Variants in DGKB observed in about 807,000 individuals in gnomAD.
DGKB encodes the protein 90 kDa diacylglycerol kinase.
DGKB carries 67 observed loss-of-function variants against 114.3 expected under a neutral mutation model. The ratio of observed to expected loss-of-function variants is 0.59; its 90% CI spans 0.48 to 0.72. The LOEUF is 0.72. Among genes scored for constraint, DGKB ranks in the 30% least tolerant of loss-of-function variants. The pLI, the probability that DGKB is intolerant of heterozygous loss-of-function variation, is 0.00. For missense variants in DGKB, 907 were observed against 975.2 expected (o/e 0.93, Z 0.93); for synonymous variants, 398 against 323.1 (o/e 1.23, Z -2.49).
intron 20 of DGKB, among the ~76,000 whole-genome samples, chr7:14,479,256 T>A (rs765832060): frequency 6.6e-5 from 10 of 152,060 alleles, no homozygotes; most frequent in African/African-American, 9.7e-5. Flanking sequence ...AAAACACTAA[T>A]CAAGGATTAA....
chr7:14,178,477 T>C (rs955042277), intron 23 of DGKB, among the ~76,000 whole-genome samples: 6 of 150,330 alleles, frequency 4.0e-5, no homozygotes, highest in Non-Finnish European at 8.8e-5. Flanking sequence ...CACATGTATA[T>C]AAGGACCATT....
intron 23 of DGKB, among the ~76,000 whole-genome samples, chr7:14,225,072 C>A (rs1485967710): frequency 2.0e-5 from 3 of 152,072 alleles, no homozygotes; most frequent in Non-Finnish European, 2.9e-5. Context: ...AAGAATCCAC[C>A]AATCTCCCCC....
chr7:14,924,271 G>A (rs1021774992), intron 1 of DGKB, among the ~76,000 whole-genome samples: 4 of 152,012 alleles, frequency 2.6e-5, no homozygotes, highest in Admixed American at 1.3e-4. Context: ...TGTCCTACGC[G>A]TTCTAATATT....
intron 1 of DGKB, among the ~76,000 whole-genome samples, chr7:14,901,007 C>T (rs1782958779): frequency 6.6e-6 from 1 of 152,020 alleles, no homozygotes; most frequent in Non-Finnish European, 1.5e-5. Context: ...TTTTAACCAC[C>T]CTCATGTATG....
At chr7:14,543,288 A>T (rs1441598708) in intron 20 of DGKB, among the ~76,000 whole-genome samples, 1 of 151,948 alleles carries the variant, frequency 6.6e-6, no homozygotes, top group Admixed American at 6.6e-5. Context: ...TACAAAAAAT[A>T]GAAAAATTAG....
chr7:14,903,548 C>T (rs1054172816), upstream of DGKB, among the ~76,000 whole-genome samples: 1 of 152,034 alleles, frequency 6.6e-6, no homozygotes, highest in Non-Finnish European at 1.5e-5. Flanking sequence ...AACTGTAGTC[C>T]TTGGTGGGTC....
At chr7:14,671,387 AAAC>A in intron 13 of DGKB, among the ~76,000 whole-genome samples, 3 of 152,322 alleles carry the variant, frequency 2.0e-5, no homozygotes, top group Admixed American at 2.0e-4. Flanking sequence ...CAAAAATGGT[AAAC>A]AACAAATGCT....
At chr7:14,333,832 A>G (rs1231476951) in intron 23 of DGKB, among the ~76,000 whole-genome samples, 1 of 152,236 alleles carries the variant, frequency 6.6e-6, no homozygotes, top group South Asian at 2.1e-4. Context: ...AATTCATGAC[A>G]TAATGATACT....
chr7:14,631,647 A>C (rs1809732027), intron 13 of DGKB, among the ~76,000 whole-genome samples: 1 of 152,046 alleles, frequency 6.6e-6, no homozygotes. Flanking sequence ...TCCTGATTTC[A>C]GTAACATTCT....
At chr7:14,359,133 G>A (rs1425998306) in intron 21 of DGKB, among the ~76,000 whole-genome samples, 1 of 151,810 alleles carries the variant, frequency 6.6e-6, no homozygotes, top group African/African-American at 2.4e-5. Flanking sequence ...TAGAACAACG[G>A]AACAGAACAG....
intron 23 of DGKB, among the ~76,000 whole-genome samples, chr7:14,274,403 T>C (rs1215391046): frequency 6.6e-6 from 1 of 152,160 alleles, no homozygotes; most frequent in Non-Finnish European, 1.5e-5. Flanking sequence ...TACTAAACTC[T>C]TCAATGAATC....
At chr7:14,283,693 C>T (rs998267358) in intron 23 of DGKB, among the ~76,000 whole-genome samples, 1 of 151,864 alleles carries the variant, frequency 6.6e-6, no homozygotes, top group African/African-American at 2.4e-5. Context: ...AGAACAGAGC[C>T]CTGAGAAATA....
chr7:14,297,123 A>G (rs1802722710), intron 23 of DGKB, among the ~76,000 whole-genome samples: 1 of 152,142 alleles, frequency 6.6e-6, no homozygotes. Context: ...ATTCTACCAG[A>G]GGTACAAAGA....
chr7:14,301,415 T>C (rs1803520023), intron 23 of DGKB, among the ~76,000 whole-genome samples: 1 of 152,078 alleles, frequency 6.6e-6, no homozygotes, highest in African/African-American at 2.4e-5. Flanking sequence ...ACCATTCTAT[T>C]TTCACAAATA....
intron 6 of DGKB, among the ~76,000 whole-genome samples, chr7:14,716,332 C>A (rs1006907456): frequency 7.2e-5 from 11 of 152,208 alleles, no homozygotes; most frequent in African/African-American, 2.4e-4. Flanking sequence ...GCAGGTGACT[C>A]TGATGTGTGA....
Position 14,661,262 on chromosome 7 carries a change from C to T in DGKB, c.1134+11667G>A, listed in dbSNP as rs573150573. On this transcript the variant is annotated intron_variant, in intron 13 of 25. Transcript: ENST00000402815. The stretch of plus-strand genomic sequence containing the variant: ...CAAAAGAAGCTACCATCTGAGTGAA[C>T]AGGCAACCTACAGAATGGGAGAAAA... Among the ~76,000 whole-genome samples the T allele has an allele frequency of 3.4e-5, 5 of 147,290 alleles. No individual in the cohort carries two copies. In the Admixed American group the frequency reaches 3.5e-4, roughly 10 times the overall value.
intron 20 of DGKB, among the ~76,000 whole-genome samples, chr7:14,496,071 C>T (rs1244130780): frequency 6.6e-6 from 1 of 151,714 alleles, no homozygotes; most frequent in Non-Finnish European, 1.5e-5. Flanking sequence ...TCAGAGGTAC[C>T]CATTATTGTA....
chr7:14,942,797 A>T (rs1587426975), intron 1 of DGKB, among the ~76,000 whole-genome samples: 1 of 151,978 alleles, frequency 6.6e-6, no homozygotes, highest in East Asian at 1.9e-4. Context: ...TTTTTTTCAA[A>T]AGTCTTCTCC....
intron 2 of DGKB, among the ~76,000 whole-genome samples, chr7:14,785,779 G>GA (rs1346747893): frequency 6.6e-6 from 1 of 151,860 alleles, no homozygotes; most frequent in Non-Finnish European, 1.5e-5. Context: ...CATTATTTCT[G>GA]AAACACCACG....
Sources: allele counts gnomAD v4.1 joint callset (sites outside exome capture counted in the v4.1 genomes callset), GRCh38; gene constraint gnomAD v4.1.1; transcripts MANE v1.5; gene names NCBI Gene and HGNC (gene_info 2026-07-23, HGNC 2026-07-21).